Variants in CDC7 observed in about 807,000 individuals in gnomAD.
CDC7 encodes the protein cell division cycle 7-related protein kinase.
CDC7 carries 34 observed loss-of-function variants against 53.5 expected under a neutral mutation model. That is an observed-to-expected ratio of 0.64 (90% CI 0.48 to 0.85). The LOEUF (loss-of-function observed/expected upper bound fraction) is 0.85, where lower values mean the gene tolerates loss of function less well. CDC7 is among the 40% of genes least tolerant of loss of function. The probability of loss-of-function intolerance (pLI) is 0.00; values close to 1 mark genes in which losing one functional copy is unlikely to be tolerated. For synonymous variants in CDC7, 211 were observed against 222.8 expected (o/e 0.95, Z 0.47); for missense variants, 594 against 679.7 (o/e 0.87, Z 1.40).
At position 91,524,443 on chromosome 1, in the gene CDC7, T is replaced by A. The variant is rs1668157057; in HGVS notation, c.*8T>A. The A allele has an allele frequency of 7.6e-6, 12 of 1,587,164 alleles. No individual in the cohort carries two copies. Among genetic ancestry groups the A allele is most frequent in the African/African-American group, 1.4e-5 (1 of 73,964 alleles). ...AAAGATATGAGCTTGTGATAATGGA[T>A]CTTCATTTAATGTTTACTGTTATGA... On this transcript the variant is annotated 3_prime_UTR_variant, in exon 12 of 12. Transcript: ENST00000234626.
At position 91,511,213 on chromosome 1, in the gene CDC7, T is replaced by A. The variant is rs77289141; in HGVS notation, c.336-384T>A. Among the ~76,000 whole-genome samples the A allele has an allele frequency of 1.5e-3, 230 of 152,284 alleles. 1 individual carries two copies. Among genetic ancestry groups the A allele is most frequent in the African/African-American group, 5.4e-3 (223 of 41,574 alleles). Reference sequence around the variant, plus strand: ...GTAACATAGTGATTAAGAACATATATCTGGAGCAAAATGCCTGGGTTCAAA... The same window carrying A: ...GTAACATAGTGATTAAGAACATATAACTGGAGCAAAATGCCTGGGTTCAAA... On this transcript the variant is annotated intron_variant, in intron 4 of 11. Transcript: ENST00000234626.
Position 91,513,064 on chromosome 1 carries a change from C to T in CDC7, c.579C>T (p.Ala193=), listed in dbSNP as rs1304918109. The part of the protein sequence containing the change: ...FLYNRRLKKY[A]LVDFGLAQGT... ...GCTTAATTTTGTCTCTTAGGTATGC[C>T]TTGGTAGACTTTGGTTTGGCCCAAG... The change falls in exon 7 of 12, where the codon GCC becomes GCT. Residue 193 remains alanine (A), a synonymous_variant. Coordinates refer to ENST00000234626, the MANE Select transcript of CDC7 (RefSeq NM_003503.4). 5.6e-6 allele frequency: 9 copies of T among 1,613,116 alleles called. No homozygotes were observed. Among genetic ancestry groups the T allele is most frequent in the Non-Finnish European group, 5.9e-6 (7 of 1,179,480 alleles).
intron 2 of CDC7, among the ~76,000 whole-genome samples, chr1:91,507,287 T>G (rs771162509): frequency 2.6e-5 from 4 of 152,220 alleles, no homozygotes; most frequent in Non-Finnish European, 5.9e-5. Context: ...TATAAAGAAC[T>G]GATACTTATT....
At chr1:91,521,895 G>C (rs1296719357) in intron 11 of CDC7, among the ~76,000 whole-genome samples, 1 of 151,916 alleles carries the variant, frequency 6.6e-6, no homozygotes, top group Non-Finnish European at 1.5e-5. Context: ...GGCCAGCCGT[G>C]GTGACTCACA....
intron 2 of CDC7, 149 bp from the exon 3 acceptor site, chr1:91,507,705 G>A (rs1433243544): frequency 7.2e-6 from 4 of 557,302 alleles, no homozygotes; most frequent in Non-Finnish European, 1.2e-5. Context: ...GCAACTTGAT[G>A]GGTTTTAATC....
Position 91,514,022 on chromosome 1 carries a change from A to G in CDC7, c.897A>G (p.Ser299=). Residue 299 remains serine, a synonymous_variant, in exon 8 of 12, where the codon TCA becomes TCG. Coordinates refer to ENST00000234626, the MANE Select transcript of CDC7 (RefSeq NM_003503.4). ...ERNFNIHSSI[S]HESPAVKLMK... Reference sequence around the variant, plus strand: ...ATTTCAATATACACAGCTCCATTTCACATGAGAGCCCTGCAGTGAAAGTAA... The same window carrying G: ...ATTTCAATATACACAGCTCCATTTCGCATGAGAGCCCTGCAGTGAAAGTAA... The G allele has an allele frequency of 6.2e-7, 1 of 1,611,006 alleles. No individual in the cohort carries two copies.
chr1:91,514,751 C>T (rs1571328293), intron 8 of CDC7, 68 bp from the exon 9 acceptor site: 1 of 1,234,650 alleles, frequency 8.1e-7, no homozygotes. Flanking sequence ...TGCTTTTTGC[C>T]ATACTAGCAT....
Position 91,525,167 on chromosome 1 carries a change from A to G in CDC7, c.*732A>G, listed in dbSNP as rs1668200777. ...GTTTTATTAAATATTGTACGTGTTT[A>G]CAGTTGGGAATTTAAAATAATACAT... On this transcript the variant is annotated 3_prime_UTR_variant, in exon 12 of 12. Transcript: ENST00000234626. The G allele has an allele frequency of 6.6e-6, 1 of 152,190 alleles. No homozygotes were observed. Among genetic ancestry groups the G allele is most frequent in the Admixed American group, 6.5e-5 (1 of 15,274 alleles). 9.4% of individuals were successfully genotyped at this position (152,190 alleles called of 1,614,324 possible).
At chr1:91,512,538 T>C (rs1381672071) in intron 6 of CDC7, among the ~76,000 whole-genome samples, 3 of 152,124 alleles carry the variant, frequency 2.0e-5, no homozygotes, top group Non-Finnish European at 4.4e-5. Context: ...TGTATACTTT[T>C]TAATGCTGAT....
chr1:91,500,887 G>T lies in CDC7; in HGVS notation c.-125G>T, dbSNP rs969841644. 1 of 152,282 alleles carries T rather than the reference G, an allele frequency of 6.6e-6. No homozygotes were observed. Among genetic ancestry groups the T allele is most frequent in the African/African-American group, 2.4e-5 (1 of 41,460 alleles). 9.4% of individuals were successfully genotyped at this position (152,282 alleles called of 1,614,324 possible). On this transcript the variant is annotated 5_prime_UTR_variant, in exon 1 of 12. Transcript: ENST00000234626. ...GCATCCGATCGACTCGGTAGGTGGGGATCTCTTGGAGACGGCGACCCAGGC... is the reference window on the plus strand; with the variant it reads ...GCATCCGATCGACTCGGTAGGTGGGTATCTCTTGGAGACGGCGACCCAGGC...
In CDC7 at chr1:91,513,984, T is replaced by A; in HGVS notation, c.859T>A (p.Phe287Ile). The A allele has an allele frequency of 6.2e-7, 1 of 1,612,534 alleles. No individual in the cohort carries two copies. ...SVGLSVQRSV[F>I]GERNFNIHSS... Reference sequence around the variant, plus strand: ...AGGCCTTTCTGTCCAGCGCTCTGTTTTTGGAGAAAGAAATTTCAATATACA... The same window carrying A: ...AGGCCTTTCTGTCCAGCGCTCTGTTATTGGAGAAAGAAATTTCAATATACA... Residue 287 changes from phenylalanine to isoleucine, a missense_variant, in exon 8 of 12, where the codon TTT (phenylalanine) becomes ATT (isoleucine). Coordinates refer to ENST00000234626, the MANE Select transcript of CDC7 (RefSeq NM_003503.4).
At chr1:91,504,079 G>A (rs971804902) in intron 2 of CDC7, among the ~76,000 whole-genome samples, 1 of 145,564 alleles carries the variant, frequency 6.9e-6, no homozygotes, top group South Asian at 2.2e-4. Context: ...TTGGTCAAAT[G>A]TTTATTCTTT....
intron 2 of CDC7, among the ~76,000 whole-genome samples, chr1:91,503,648 T>G (rs186421872): frequency 3.7e-4 from 56 of 152,344 alleles, no homozygotes; most frequent in African/African-American, 1.3e-3. Context: ...TATTTTGAGA[T>G]ATTTGTCAGA....
chr1:91,506,903 T>C (rs2102336197), intron 2 of CDC7, among the ~76,000 whole-genome samples: 1 of 152,096 alleles, frequency 6.6e-6, no homozygotes, highest in South Asian at 2.1e-4. Flanking sequence ...TGAGTGGAGA[T>C]TACATCACTG....
chr1:91,502,019 T>C (rs1363070908), intron 2 of CDC7, among the ~76,000 whole-genome samples, 188 bp downstream of exon 2: 1 of 152,232 alleles, frequency 6.6e-6, no homozygotes, highest in Non-Finnish European at 1.5e-5. Flanking sequence ...AAGACTGTAA[T>C]ACAACCTGTT....
At chr1:91,520,424 T>C in intron 11 of CDC7, 145 bp downstream of exon 11, 1 of 620,714 alleles carries the variant, frequency 1.6e-6, no homozygotes, top group South Asian at 3.1e-5. Flanking sequence ...AATTCTTCAG[T>C]TGCTTGAAAA....
intron 2 of CDC7, among the ~76,000 whole-genome samples, chr1:91,503,276 T>A (rs1280300624): frequency 1.3e-5 from 2 of 152,228 alleles, no homozygotes; most frequent in South Asian, 4.1e-4. Context: ...TGATAAATTA[T>A]AAAACGTGCT....
chr1:91,505,286 CAA>C (rs1053995601), intron 2 of CDC7, among the ~76,000 whole-genome samples: 7 of 152,150 alleles, frequency 4.6e-5, no homozygotes, highest in African/African-American at 1.4e-4. Flanking sequence ...GGAATGAAGT[CAA>C]AGAGAGATGT....
At position 91,514,961 on chromosome 1, in the gene CDC7, A is replaced by G. The variant is rs748147532; in HGVS notation, c.1061A>G (p.Tyr354Cys). The G allele has an allele frequency of 3.1e-6, 5 of 1,613,786 alleles. No homozygotes were observed. The South Asian group carries it at 3.3e-5, about 11-fold the overall frequency. ...CCAGCTAGCCTGACCTGTGACTGCT[A>G]TGCAACAGATAAAGTTTGTAGTATT... ...SCPASLTCDC[Y>C]ATDKVCSICL... Residue 354 changes from tyrosine (Y) to cysteine (C), a missense_variant, in exon 9 of 12, where the codon TAT becomes TGT. Coordinates refer to ENST00000234626, the MANE Select transcript of CDC7 (RefSeq NM_003503.4).
Sources: gnomAD v4.1 joint callset for allele counts (sites outside exome capture counted in the v4.1 genomes callset) on GRCh38, gnomAD v4.1.1 for gene constraint, MANE v1.5 for transcripts, NCBI Gene and HGNC (gene_info 2026-07-23, HGNC 2026-07-21) for gene names.